FHAD1: variants seen among roughly 807,000 people sequenced by gnomAD.
FHAD1 encodes the protein forkhead-associated domain-containing protein 1.
In FHAD1, 146 loss-of-function variants were observed where a neutral mutation model predicts 191.3. The ratio of observed to expected loss-of-function variants is 0.76; its 90% CI spans 0.67 to 0.88. The LOEUF (loss-of-function observed/expected upper bound fraction) is 0.88. Ranked by LOEUF, FHAD1 falls within the 40% of genes least tolerant of loss-of-function variation. The pLI is 0.00. For synonymous variants in FHAD1, 616 were observed against 672.3 expected, an observed-to-expected ratio of 0.92 and a Z score of 1.29; for missense variants, 1,635 against 1,785.8, an observed-to-expected ratio of 0.92 and a Z score of 1.52.
intron 32 of FHAD1, among the ~76,000 whole-genome samples, chr1:15,389,397 A>G (rs933700648): frequency 1.4e-5 from 2 of 147,930 alleles, no homozygotes; most frequent in Non-Finnish European, 3.0e-5. Flanking sequence ...GATGAGCCAC[A>G]TAAGCATCCC....
intron 1 of FHAD1, among the ~76,000 whole-genome samples, chr1:15,248,234 G>A (rs894601298): frequency 3.3e-5 from 5 of 152,112 alleles, no homozygotes; most frequent in Admixed American, 1.3e-4. Context: ...GGGCCAGAGG[G>A]GAGTAATGAA....
intron 2 of FHAD1, among the ~76,000 whole-genome samples, chr1:15,266,396 T>A (rs1376445778): frequency 6.6e-6 from 1 of 151,680 alleles, no homozygotes; most frequent in Non-Finnish European, 1.5e-5. Flanking sequence ...TGAGCCAACA[T>A]GTCTGGCCTA....
chr1:15,381,381 C>A lies in FHAD1; in HGVS notation c.3952C>A (p.Gln1318Lys). 1 of 1,551,718 alleles carries A rather than the reference C, an allele frequency of 6.4e-7. No homozygotes were observed. The highest frequency in any genetic ancestry group is 8.7e-7 in the Non-Finnish European group (1 of 1,147,006). Residue 1318 changes from glutamine to lysine, a missense_variant, in exon 30 of 34, where the codon CAA (glutamine) becomes AAA (lysine). Physicochemically the swap from Gln to Lys is moderately conservative, Grantham distance 53. Transcript: ENST00000688493. The surrounding 1 kb of genome is among the most constrained non-coding windows in gnomAD (Gnocchi z 4.6). ...CGACCTGGTGTTTGATAAGATCACC[C>A]AACTCAAGAACCAGCTGGGGAGGAA... ...DLDLVFDKITQLKNQLGRKEE... is the reference protein window; with the variant it reads ...DLDLVFDKITKLKNQLGRKEE...
At chr1:15,323,054 G>C (rs908399300) in intron 10 of FHAD1, among the ~76,000 whole-genome samples, 1 of 152,150 alleles carries the variant, frequency 6.6e-6, no homozygotes, top group East Asian at 1.9e-4. Flanking sequence ...TTCACCATCA[G>C]GAGAACAGCA....
Position 15,329,394 on chromosome 1 carries a change from G to A in FHAD1, c.1759G>A (p.Asp587Asn), listed in dbSNP as rs1476898616. The A allele has an allele frequency of 3.9e-6, 6 of 1,550,796 alleles. No homozygotes were observed. Among genetic ancestry groups the A allele is most frequent in the East Asian group, 2.4e-5 (1 of 40,884 alleles). Residue 587 changes from aspartate to asparagine, a missense_variant, in exon 14 of 34, where the codon GAC becomes AAC. By Grantham distance (23) the Asp-to-Asn change is conservative (BLOSUM62 1). Coordinates refer to ENST00000688493, the MANE Select transcript of FHAD1 (RefSeq NM_001391957.1). This position sits in a 1 kb window ranked among gnomAD's most constrained non-coding sequence, Gnocchi z 5.0. ...CAGCCATGACCTGAAGAAGGAGGTC[G>A]ACCTTCTTCAGCACCTCCAGGTGAG... Reference protein sequence around the residue: ...CCSHDLKKEVDLLQHLQVSPP... With the variant: ...CCSHDLKKEVNLLQHLQVSPP...
chr1:15,379,334 A>G (rs1456710142), intron 28 of FHAD1, among the ~76,000 whole-genome samples: 1 of 152,234 alleles, frequency 6.6e-6, no homozygotes, highest in Non-Finnish European at 1.5e-5. Context: ...GCTTTTAGAT[A>G]TGCATACACA....
At chr1:15,261,154 C>T (rs1650851067) in intron 2 of FHAD1, among the ~76,000 whole-genome samples, 1 of 152,154 alleles carries the variant, frequency 6.6e-6, no homozygotes, top group Non-Finnish European at 1.5e-5. Flanking sequence ...CTGTTGTTTG[C>T]ACTTTTGTGT....
At chr1:15,253,301 TTTCCC>T in intron 2 of FHAD1, among the ~76,000 whole-genome samples, 1 of 152,292 alleles carries the variant, frequency 6.6e-6, no homozygotes, top group South Asian at 2.1e-4. Context: ...TTCTGCTTCC[TTTCCC>T]TTCCCATATA....
At chr1:15,330,411 G>A (rs1680745685) in intron 14 of FHAD1, among the ~76,000 whole-genome samples, 1 of 151,884 alleles carries the variant, frequency 6.6e-6, no homozygotes. Context: ...GGTAGAATCA[G>A]GTCATGGGTA....
chr1:15,318,233 C>T lies in FHAD1; in HGVS notation c.1365+305C>T, dbSNP rs7554324. On this transcript the variant is annotated intron_variant, in intron 10 of 33. Coordinates refer to ENST00000688493, the MANE Select transcript of FHAD1 (RefSeq NM_001391957.1). The surrounding 1 kb of genome is among the most constrained non-coding windows in gnomAD (Gnocchi z 4.1). Reference sequence around the variant, plus strand: ...GCCTCCCAATCCCAGTTTTGAGTTTCGTGTTGCTTAATTATTTTAATGTCC... The same window carrying T: ...GCCTCCCAATCCCAGTTTTGAGTTTTGTGTTGCTTAATTATTTTAATGTCC... Among the ~76,000 whole-genome samples, 5 of 151,932 alleles carry T rather than the reference C, an allele frequency of 3.3e-5. No homozygotes were observed. Among genetic ancestry groups the T allele is most frequent in the African/African-American group, 4.8e-5 (2 of 41,344 alleles).
chr1:15,310,350 A>G (rs1340151540), intron 7 of FHAD1, among the ~76,000 whole-genome samples: 2 of 152,156 alleles, frequency 1.3e-5, no homozygotes, highest in African/African-American at 4.8e-5. Flanking sequence ...GTTCTTCCCT[A>G]ACATGGAATG....
At chr1:15,254,411 A>C (rs1647166082) in intron 2 of FHAD1, among the ~76,000 whole-genome samples, 2 of 152,220 alleles carry the variant, frequency 1.3e-5, no homozygotes, top group Admixed American at 1.3e-4. Flanking sequence ...TTAAATGAGA[A>C]AATGCATATA....
intron 14 of FHAD1, among the ~76,000 whole-genome samples, chr1:15,337,632 A>T (rs1171015063): frequency 2.0e-5 from 3 of 152,180 alleles, no homozygotes; most frequent in African/African-American, 7.2e-5. Flanking sequence ...ACAATGCCTA[A>T]GACAGCCCCA....
chr1:15,329,644 G>A lies in FHAD1; in HGVS notation c.1906+103G>A. On this transcript the variant is annotated intron_variant, in intron 14 of 33. Transcript: ENST00000688493. This position sits in a 1 kb window ranked among gnomAD's most constrained non-coding sequence, Gnocchi z 5.0. ...TTGAGGAAGTCTTCCTGGGTATCTG[G>A]CCAAGTCTATTCCCTTCTCCAGAAC... 2.7e-6 allele frequency: 3 copies of A among 1,106,752 alleles called. No individual in the cohort carries two copies. Among genetic ancestry groups the A allele is most frequent in the Non-Finnish European group, 2.6e-6 (2 of 760,082 alleles). The allele number at this position is 1,106,752 out of a possible 1,614,324, so 68.6% of individuals were successfully genotyped here. A position where few individuals can be genotyped will look rare whatever the true frequency, so the allele number is the denominator to read the frequency against.
Position 15,349,177 on chromosome 1 carries a change from CT to C in FHAD1, c.2454+29del, listed in dbSNP as rs571487880. 2.8e-4 allele frequency: 416 copies of C among 1,476,250 alleles called. 5 individuals are homozygous for C. The South Asian group carries it at 3.4e-3, about 12-fold the overall frequency. 91.4% of individuals were successfully genotyped at this position (1,476,250 alleles called of 1,614,324 possible). The stretch of plus-strand genomic sequence containing the variant: ...ATGAGCAGCAGCAGGAAAGAATCCT[CT>C]GGAAGGAACTACAAAGCCAGATCCC... On this transcript the variant is annotated intron_variant, in intron 19 of 33. Coordinates refer to ENST00000688493, the MANE Select transcript of FHAD1 (RefSeq NM_001391957.1).
chr1:15,336,285 C>T (rs1684047212), intron 14 of FHAD1, among the ~76,000 whole-genome samples: 1 of 152,130 alleles, frequency 6.6e-6, no homozygotes, highest in African/African-American at 2.4e-5. Context: ...TGGCATAGCA[C>T]TGGCACGCAC....
At chr1:15,305,161 G>A (rs1670066097) in intron 6 of FHAD1, among the ~76,000 whole-genome samples, 2 of 152,174 alleles carry the variant, frequency 1.3e-5, no homozygotes, top group Non-Finnish European at 2.9e-5. Flanking sequence ...ACGCACCGTA[G>A]AATAATCAGA....
intron 20 of FHAD1, among the ~76,000 whole-genome samples, chr1:15,357,011 T>G (rs967024947): frequency 2.6e-5 from 4 of 152,202 alleles, no homozygotes; most frequent in Non-Finnish European, 5.9e-5. Flanking sequence ...TTTCTCACTC[T>G]TCACTAGTGC....
intron 7 of FHAD1, among the ~76,000 whole-genome samples, chr1:15,310,476 G>A (rs767935597): frequency 6.6e-6 from 1 of 152,146 alleles, no homozygotes; most frequent in African/African-American, 2.4e-5. Flanking sequence ...CCCCATCCAC[G>A]CTACAAGCCT....
Sources: allele counts gnomAD v4.1 joint callset (sites outside exome capture counted in the v4.1 genomes callset), GRCh38; gene constraint gnomAD v4.1.1; non-coding constraint Gnocchi (gnomAD v3.1); transcripts MANE v1.5; gene names NCBI Gene and HGNC (gene_info 2026-07-23, HGNC 2026-07-21).